DSCAM: variants seen among roughly 807,000 people sequenced by gnomAD.
DSCAM encodes DS cell adhesion molecule, also known as cell adhesion molecule DSCAM.
A neutral mutation model predicts 217.7 loss-of-function variants in DSCAM; 47 were observed. The ratio of observed to expected loss-of-function variants is 0.22; its 90% CI spans 0.17 to 0.28. The LOEUF (loss-of-function observed/expected upper bound fraction) is 0.28, where lower values mean the gene tolerates loss of function less well. Ranked by LOEUF, DSCAM falls within the 10% of genes least tolerant of loss-of-function variation. The probability of loss-of-function intolerance (pLI) is 1.00; values close to 1 mark genes in which losing one functional copy is unlikely to be tolerated. For synonymous variants in DSCAM, 1,056 were observed against 1,015.3 expected, an observed-to-expected ratio of 1.04 and a Z score of -0.76; for missense variants, 2,080 against 2,618.3, an observed-to-expected ratio of 0.79 and a Z score of 4.49.
At chr21:40,512,615 A>G (rs1568866177) in intron 3 of DSCAM, among the ~76,000 whole-genome samples, 1 of 151,960 alleles carries the variant, frequency 6.6e-6, no homozygotes, top group Admixed American at 6.6e-5. Flanking sequence ...TTGACTTCTG[A>G]TTATTTGATT....
intron 32 of DSCAM, among the ~76,000 whole-genome samples, chr21:40,036,723 T>C (rs1455665074): frequency 6.9e-6 from 1 of 145,086 alleles, no homozygotes; most frequent in East Asian, 2.0e-4. Flanking sequence ...AAAAAGAGAA[T>C]TTTAGACCAA....
chr21:40,254,105 C>A (rs1465348912), intron 11 of DSCAM, among the ~76,000 whole-genome samples: 2 of 152,128 alleles, frequency 1.3e-5, no homozygotes, highest in Non-Finnish European at 2.9e-5. Context: ...GTAGGATACC[C>A]AGTTGGTGTC....
intron 11 of DSCAM, among the ~76,000 whole-genome samples, chr21:40,267,275 T>A (rs1237834096): frequency 6.6e-6 from 1 of 152,028 alleles, no homozygotes; most frequent in Admixed American, 6.6e-5. Flanking sequence ...TTTTTTTTTT[T>A]TATAAGTAGA....
chr21:40,378,583 T>C lies in DSCAM; in HGVS notation c.509-9338A>G, dbSNP rs1267022123. Among the ~76,000 whole-genome samples the C allele has an allele frequency of 9.4e-4, 12 of 12,748 alleles. 1 individual carries two copies. The highest frequency in any genetic ancestry group is 1.7e-3 in the African/African-American group (3 of 1,768). 8.4% of individuals were successfully genotyped at this position (12,748 alleles called of 152,430 possible). A position where few individuals can be genotyped will look rare whatever the true frequency, so the allele number is the denominator to read the frequency against. Reference sequence around the variant, plus strand: ...TTTTTTTTTTTTTTTTTTTTTTTTTTTTTTTTTTTTTTTTTTTTTTTTTTT... The same window carrying C: ...TTTTTTTTTTTTTTTTTTTTTTTTTCTTTTTTTTTTTTTTTTTTTTTTTTT... On this transcript the variant is annotated intron_variant, in intron 3 of 32. Transcript: ENST00000400454.
intron 3 of DSCAM, among the ~76,000 whole-genome samples, chr21:40,415,032 A>T (rs1161079145): frequency 6.6e-6 from 1 of 152,220 alleles, no homozygotes; most frequent in Non-Finnish European, 1.5e-5. Flanking sequence ...TACAGAAAGA[A>T]GGTGTGATTC....
intron 11 of DSCAM, among the ~76,000 whole-genome samples, chr21:40,218,412 G>A (rs1488367998): frequency 6.6e-6 from 1 of 152,176 alleles, no homozygotes; most frequent in East Asian, 1.9e-4. Context: ...AGTAGAGTTT[G>A]AAGTTGGGTA....
intron 26 of DSCAM, among the ~76,000 whole-genome samples, chr21:40,075,425 C>T (rs147551492): frequency 3.3e-5 from 5 of 152,238 alleles, no homozygotes; most frequent in Non-Finnish European, 5.9e-5. Flanking sequence ...CTATAGTGCA[C>T]GTTTGAAAAG....
intron 3 of DSCAM, among the ~76,000 whole-genome samples, chr21:40,548,067 T>A (rs2076598158): frequency 6.6e-6 from 1 of 152,208 alleles, no homozygotes; most frequent in Non-Finnish European, 1.5e-5. Flanking sequence ...AGAGAGCCGG[T>A]TGGTTAATCA....
At chr21:40,325,780 G>A (rs1036345073) in intron 8 of DSCAM, among the ~76,000 whole-genome samples, 2 of 152,150 alleles carry the variant, frequency 1.3e-5, no homozygotes, top group African/African-American at 4.8e-5. Context: ...ACCAGGATGC[G>A]GGGAACTGGG....
intron 3 of DSCAM, among the ~76,000 whole-genome samples, chr21:40,424,354 T>C (rs1396483570): frequency 6.6e-6 from 1 of 152,064 alleles, no homozygotes; most frequent in Admixed American, 6.5e-5. Flanking sequence ...CCTTATAGAA[T>C]GGAGAAATAT....
chr21:40,351,910 G>A (rs1034168082), intron 5 of DSCAM, among the ~76,000 whole-genome samples: 6 of 152,156 alleles, frequency 3.9e-5, no homozygotes, highest in African/African-American at 1.4e-4. Context: ...CAAGTATTGG[G>A]AAATAATCTT....
chr21:40,557,701 G>A (rs1235077529), intron 3 of DSCAM, among the ~76,000 whole-genome samples: 1 of 152,102 alleles, frequency 6.6e-6, no homozygotes, highest in Non-Finnish European at 1.5e-5. Context: ...TGTCATGAGT[G>A]GAAGCAACCT....
At chr21:40,734,317 C>G (rs2205148) in intron 1 of DSCAM, among the ~76,000 whole-genome samples, 1 of 152,136 alleles carries the variant, frequency 6.6e-6, no homozygotes, top group Non-Finnish European at 1.5e-5. Context: ...AAAAGGGGCA[C>G]GCTGCTTCCT....
chr21:40,581,763 T>C (rs2076907460), intron 3 of DSCAM, among the ~76,000 whole-genome samples: 1 of 152,192 alleles, frequency 6.6e-6, no homozygotes, highest in African/African-American at 2.4e-5. Context: ...CAAAAAGGCA[T>C]TGAGTTTGGT....
intron 3 of DSCAM, among the ~76,000 whole-genome samples, chr21:40,432,885 G>T (rs924739121): frequency 6.6e-6 from 1 of 152,120 alleles, no homozygotes; most frequent in Non-Finnish European, 1.5e-5. Flanking sequence ...TGCACCTGGG[G>T]AAGTCTGAGC....
At chr21:40,308,253 T>G (rs969741197) in intron 9 of DSCAM, among the ~76,000 whole-genome samples, 9 of 152,180 alleles carry the variant, frequency 5.9e-5, no homozygotes, top group African/African-American at 9.6e-5. Context: ...TGCACACAAT[T>G]AACTTACTAG....
chr21:40,258,882 A>G (rs1240691579), intron 11 of DSCAM, among the ~76,000 whole-genome samples: 1 of 152,242 alleles, frequency 6.6e-6, no homozygotes, highest in Non-Finnish European at 1.5e-5. Context: ...AACCAGACAC[A>G]GCAGTAGAGT....
intron 32 of DSCAM, among the ~76,000 whole-genome samples, chr21:40,017,699 G>A (rs536497041): frequency 1.3e-5 from 2 of 151,958 alleles, no homozygotes; most frequent in Non-Finnish European, 2.9e-5. Flanking sequence ...TTACAGGCAT[G>A]CACCACCACG....
At chr21:40,553,932 A>G (rs537256912) in intron 3 of DSCAM, among the ~76,000 whole-genome samples, 1 of 152,316 alleles carries the variant, frequency 6.6e-6, no homozygotes, top group African/African-American at 2.4e-5. Flanking sequence ...TCCTCAGAGC[A>G]AAGCCAAGCG....
Sources: gnomAD v4.1 joint callset for allele counts (sites outside exome capture counted in the v4.1 genomes callset) on GRCh38, gnomAD v4.1.1 for gene constraint, MANE v1.5 for transcripts, NCBI Gene and HGNC (gene_info 2026-07-23, HGNC 2026-07-21) for gene names.